The following MYO3B variants were observed in gnomAD, a reference collection of about 807,000 sequenced individuals.
MYO3B encodes myosin IIIB.
A neutral mutation model predicts 174.6 loss-of-function variants in MYO3B; 156 were observed. That is an observed-to-expected ratio of 0.89 (90% CI 0.78 to 1.02). The LOEUF is 1.02. Among genes scored for constraint, MYO3B ranks in the 50% least tolerant of loss-of-function variants. The pLI is 0.00. For missense variants in MYO3B, 1,632 were observed against 1,639.4 expected, an observed-to-expected ratio of 1.00 and a Z score of 0.08; for synonymous variants, 563 against 569.1, an observed-to-expected ratio of 0.99 and a Z score of 0.15.
chr2:170,400,486 A>T (rs185823820), intron 17 of MYO3B, among the ~76,000 whole-genome samples, 172 bp downstream of exon 17: 5 of 149,966 alleles, frequency 3.3e-5, no homozygotes, highest in Admixed American at 2.0e-4. Flanking sequence ...GCTCACTGCA[A>T]CCTCTGCCTC....
At chr2:170,392,299 A>G (rs1014548022) in intron 15 of MYO3B, 82 bp from the exon 16 acceptor site, 46 of 988,472 alleles carry the variant, frequency 4.7e-5, no homozygotes, top group Middle Eastern at 2.2e-4. Flanking sequence ...TCTTTAAACA[A>G]ACAACAAACA....
At chr2:170,639,829 T>G (rs1697825095) in intron 32 of MYO3B, among the ~76,000 whole-genome samples, 1 of 152,150 alleles carries the variant, frequency 6.6e-6, no homozygotes. Flanking sequence ...GAGATAGTAT[T>G]TCCATGGTCA....
intron 8 of MYO3B, among the ~76,000 whole-genome samples, chr2:170,359,658 C>T (rs910566230): frequency 6.6e-6 from 1 of 152,194 alleles, no homozygotes; most frequent in Non-Finnish European, 1.5e-5. Flanking sequence ...GGCTACTGTA[C>T]CCTCCGCTTG....
chr2:170,351,931 C>T (rs7578592), intron 8 of MYO3B, among the ~76,000 whole-genome samples: 36,428 of 152,018 alleles, frequency 0.24, 7,196 homozygotes, highest in African/African-American at 0.55. Context: ...TAGGCATGCA[C>T]AAGTTGTTTT....
In MYO3B at chr2:170,391,993, A is replaced by AT. The variant is rs550618256; in HGVS notation, c.1677-378dup. 5.7e-3 allele frequency among the ~76,000 whole-genome samples: 855 copies of AT among 149,710 alleles called. 5 individuals are homozygous for AT. Among genetic ancestry groups the AT allele is most frequent in the African/African-American group, 0.02 (799 of 40,876 alleles). On this transcript the variant is annotated intron_variant, in intron 15 of 34. Coordinates refer to ENST00000408978, the MANE Select transcript of MYO3B (RefSeq NM_138995.5). Reference sequence around the variant, plus strand: ...AGCATAGTGAGACTCTGTCTCTACAATTTTTTTTTTAATTAGCTACTCGGG... The same window carrying AT: ...AGCATAGTGAGACTCTGTCTCTACAATTTTTTTTTTTAATTAGCTACTCGGG...
chr2:170,222,592 T>C (rs1382011900), intron 6 of MYO3B, among the ~76,000 whole-genome samples: 1 of 152,140 alleles, frequency 6.6e-6, no homozygotes, highest in Non-Finnish European at 1.5e-5. Context: ...ATTTTCTCTG[T>C]GTGTCTTCAC....
At chr2:170,378,538 G>A (rs2094311078) in intron 9 of MYO3B, among the ~76,000 whole-genome samples, 1 of 152,100 alleles carries the variant, frequency 6.6e-6, no homozygotes, top group African/African-American at 2.4e-5. Context: ...CAATATTATT[G>A]GGGAAGATTT....
intron 7 of MYO3B, chr2:170,334,529 G>A (rs986486979): frequency 6.6e-6 from 1 of 152,160 alleles, no homozygotes; most frequent in African/African-American, 2.4e-5. Context: ...CATAATTCAT[G>A]TGTGCAGAAC....
At chr2:170,484,371 C>A (rs1365524726) in intron 25 of MYO3B, among the ~76,000 whole-genome samples, 1 of 152,124 alleles carries the variant, frequency 6.6e-6, no homozygotes, top group Non-Finnish European at 1.5e-5. Flanking sequence ...TGAAATCAAT[C>A]TGTAGAGTTC....
chr2:170,385,617 T>C (rs10169408), intron 12 of MYO3B, among the ~76,000 whole-genome samples: 125,256 of 152,150 alleles, frequency 0.82, 52,506 homozygotes, highest in East Asian at 0.96. Flanking sequence ...GGACAGGTCA[T>C]GTAAAAGAAA....
chr2:170,629,382 C>G (rs1416658886), intron 32 of MYO3B, among the ~76,000 whole-genome samples: 1 of 152,088 alleles, frequency 6.6e-6, no homozygotes, highest in Admixed American at 6.6e-5. Flanking sequence ...GTTATTTTTC[C>G]CCCATCCCAA....
chr2:170,309,343 G>T (rs1243681147), intron 7 of MYO3B, among the ~76,000 whole-genome samples: 4 of 152,044 alleles, frequency 2.6e-5, no homozygotes, highest in Admixed American at 2.6e-4. Flanking sequence ...TGCTAAGGAG[G>T]TACTAGCTTC....
intron 17 of MYO3B, 30 bp downstream of exon 17, chr2:170,400,344 G>A: frequency 6.2e-7 from 1 of 1,605,896 alleles, no homozygotes; most frequent in Non-Finnish European, 8.5e-7. Context: ...GGGCTGTGTT[G>A]TTGCCAAAGC....
At chr2:170,430,395 G>A (rs1322301567) in intron 22 of MYO3B, among the ~76,000 whole-genome samples, 11 of 132,500 alleles carry the variant, frequency 8.3e-5, no homozygotes, top group African/African-American at 2.9e-4. Context: ...TTTTTGAGAC[G>A]GAGTCTAGCT....
At chr2:170,601,601 A>G (rs1227266569) in intron 32 of MYO3B, 2 of 1,168,808 alleles carry the variant, frequency 1.7e-6, no homozygotes, top group African/African-American at 3.0e-5. Context: ...AAACTAGGCT[A>G]GAACCAACTT....
chr2:170,486,658 A>C (rs1445101981), intron 25 of MYO3B, among the ~76,000 whole-genome samples: 1 of 152,212 alleles, frequency 6.6e-6, no homozygotes, highest in Non-Finnish European at 1.5e-5. Context: ...GTTAGAAGGA[A>C]TCTTGAAGGG....
chr2:170,553,842 C>G (rs927467966), intron 32 of MYO3B, among the ~76,000 whole-genome samples: 1 of 152,154 alleles, frequency 6.6e-6, no homozygotes, highest in African/African-American at 2.4e-5. Flanking sequence ...GGATTTCCCC[C>G]TTGCTGTTCT....
chr2:170,561,385 G>A (rs1691702008), intron 32 of MYO3B, among the ~76,000 whole-genome samples: 1 of 152,174 alleles, frequency 6.6e-6, no homozygotes, highest in African/African-American at 2.4e-5. Flanking sequence ...TCTAAACATT[G>A]CCCTTAGAGT....
At chr2:170,529,328 C>G (rs907179969) in intron 30 of MYO3B, among the ~76,000 whole-genome samples, 1 of 151,872 alleles carries the variant, frequency 6.6e-6, no homozygotes, top group Non-Finnish European at 1.5e-5. Flanking sequence ...ATATAACAAA[C>G]CGGAGCATGT....
Sources: allele counts gnomAD v4.1 joint callset (sites outside exome capture counted in the v4.1 genomes callset), GRCh38; gene constraint gnomAD v4.1.1; transcripts MANE v1.5; gene names NCBI Gene and HGNC (gene_info 2026-07-23, HGNC 2026-07-21).